TMEM74: variants seen among roughly 807,000 people sequenced by gnomAD.
The protein encoded by TMEM74 is transmembrane protein 74.
A neutral mutation model predicts 18.1 loss-of-function variants in TMEM74; 13 were observed. The observed-to-expected ratio is 0.72, with a 90% CI of 0.47 to 1.14. The LOEUF (loss-of-function observed/expected upper bound fraction) is 1.14, where lower values mean the gene tolerates loss of function less well. TMEM74 is among the 50% of genes most tolerant of loss of function. TMEM74 has a pLI of 0.00. For synonymous variants in TMEM74, 159 were observed against 146.6 expected, an observed-to-expected ratio of 1.08 and a Z score of -0.61; for missense variants, 372 against 375.9, an observed-to-expected ratio of 0.99 and a Z score of 0.09.
intron 1 of TMEM74, among the ~76,000 whole-genome samples, chr8:108,720,754 ATTAG>A (rs1466812572): frequency 7.8e-5 from 2 of 25,484 alleles, no homozygotes; most frequent in East Asian, 6.5e-3. Context: ...TTATTTATTT[ATTAG>A]TTTGTTTGTT....
intron 1 of TMEM74, among the ~76,000 whole-genome samples, chr8:108,676,518 C>T (rs1813057814): frequency 6.6e-6 from 1 of 152,190 alleles, no homozygotes; most frequent in Admixed American, 6.6e-5. Flanking sequence ...AGTCTTCTCT[C>T]ACATGTAAAC....
intron 1 of TMEM74, among the ~76,000 whole-genome samples, chr8:108,697,640 C>T (rs1194648555): frequency 1.3e-5 from 2 of 152,100 alleles, no homozygotes; most frequent in Non-Finnish European, 1.5e-5. Context: ...TGGTCTCATA[C>T]ACCTGGCCTC....
At chr8:108,623,057 A>T (rs1433928385) in intron 2 of TMEM74, among the ~76,000 whole-genome samples, 1 of 152,154 alleles carries the variant, frequency 6.6e-6, no homozygotes, top group African/African-American at 2.4e-5. Flanking sequence ...CTCTCCTTTT[A>T]CAAATATTCT....
At chr8:108,701,211 A>C (rs980657283) in intron 1 of TMEM74, among the ~76,000 whole-genome samples, 8 of 147,262 alleles carry the variant, frequency 5.4e-5, no homozygotes, top group South Asian at 2.1e-4. Context: ...AAAAAAAAAA[A>C]AACAACTCTC....
chr8:108,734,562 T>C (rs185848957), intron 1 of TMEM74, among the ~76,000 whole-genome samples: 1 of 152,338 alleles, frequency 6.6e-6, no homozygotes, highest in Admixed American at 6.5e-5. Flanking sequence ...ATCTCTATTA[T>C]GTTCAGTGCT....
chr8:108,718,567 G>A (rs2130629255), intron 1 of TMEM74, among the ~76,000 whole-genome samples: 1 of 152,184 alleles, frequency 6.6e-6, no homozygotes, highest in Admixed American at 6.5e-5. Context: ...ACACCTGCTA[G>A]AAACAGAACA....
intron 2 of TMEM74, among the ~76,000 whole-genome samples, chr8:108,613,019 T>C (rs916232447): frequency 9.8e-5 from 15 of 152,298 alleles, no homozygotes; most frequent in Middle Eastern, 3.4e-3. Flanking sequence ...TTCTGAATTA[T>C]AAAAATAAAG....
chr8:108,716,446 T>G (rs1373341856), intron 1 of TMEM74, among the ~76,000 whole-genome samples: 5 of 152,102 alleles, frequency 3.3e-5, no homozygotes, highest in African/African-American at 9.6e-5. Context: ...AAAGTGTCTG[T>G]TCTCTGTTCT....
chr8:108,774,283 A>G (rs1814204833), downstream of TMEM74, among the ~76,000 whole-genome samples: 1 of 152,308 alleles, frequency 6.6e-6, no homozygotes, highest in South Asian at 2.1e-4. Context: ...TGGCAATAAT[A>G]CCAAATGCTA....
intron 1 of TMEM74, among the ~76,000 whole-genome samples, chr8:108,663,355 T>A (rs928979046): frequency 2.0e-5 from 3 of 151,984 alleles, no homozygotes; most frequent in African/African-American, 7.3e-5. Flanking sequence ...AACAAACATA[T>A]GGAAAAAAGC....
chr8:108,759,253 T>A (rs1814012492), intron 1 of TMEM74, among the ~76,000 whole-genome samples: 1 of 151,958 alleles, frequency 6.6e-6, no homozygotes, highest in African/African-American at 2.4e-5. Context: ...GTTGTGAGGG[T>A]GGATTAAGTA....
At chr8:108,760,587 AAGGAGAGCTTCAG>A (rs1814032849) in intron 1 of TMEM74, among the ~76,000 whole-genome samples, 1 of 151,970 alleles carries the variant, frequency 6.6e-6, no homozygotes, top group South Asian at 2.1e-4. Context: ...GATGACTGCC[AAGGAGAGCTTCAG>A]GAAGCTCTCC....
chr8:108,748,674 T>C (rs1480771946), intron 1 of TMEM74, among the ~76,000 whole-genome samples: 1 of 150,928 alleles, frequency 6.6e-6, no homozygotes, highest in Admixed American at 6.6e-5. Flanking sequence ...CCATAGGTTT[T>C]CTTCTAGGGT....
At chr8:108,648,978 C>T (rs1395662170) in intron 2 of TMEM74, among the ~76,000 whole-genome samples, 4 of 152,136 alleles carry the variant, frequency 2.6e-5, no homozygotes, top group African/African-American at 9.7e-5. Context: ...TTATATTAAG[C>T]TACTTAAAAA....
chr8:108,740,527 C>A (rs764976429), intron 1 of TMEM74, among the ~76,000 whole-genome samples: 6 of 152,200 alleles, frequency 3.9e-5, no homozygotes, highest in Admixed American at 1.3e-4. Context: ...TTCACAGATA[C>A]TACATTTTTC....
chr8:108,642,335 G>A (rs567639771), intron 2 of TMEM74, among the ~76,000 whole-genome samples: 2 of 148,866 alleles, frequency 1.3e-5, no homozygotes, highest in South Asian at 4.3e-4. Context: ...GGAGGCGGAG[G>A]TTGCAGTCAG....
At chr8:108,708,161 A>C (rs1334754706) in intron 1 of TMEM74, among the ~76,000 whole-genome samples, 1 of 152,046 alleles carries the variant, frequency 6.6e-6, no homozygotes, top group Non-Finnish European at 1.5e-5. Flanking sequence ...GTCGCTTAGG[A>C]TAATGGCTTC....
chr8:108,644,134 G>A (rs748053893), intron 2 of TMEM74, among the ~76,000 whole-genome samples: 1 of 152,198 alleles, frequency 6.6e-6, no homozygotes, highest in South Asian at 2.1e-4. Flanking sequence ...AAACAGTACC[G>A]TATTGGTATA....
intron 1 of TMEM74, among the ~76,000 whole-genome samples, chr8:108,660,971 A>T (rs1812894395): frequency 6.6e-6 from 1 of 152,170 alleles, no homozygotes; most frequent in Non-Finnish European, 1.5e-5. Flanking sequence ...GGATCCATCC[A>T]TGTGATGAAA....
Sources: gnomAD v4.1 joint callset for allele counts (sites outside exome capture counted in the v4.1 genomes callset) on GRCh38, gnomAD v4.1.1 for gene constraint, MANE v1.5 for transcripts, NCBI Gene and HGNC (gene_info 2026-07-23, HGNC 2026-07-21) for gene names.